Variants in ATAD3A observed in about 807,000 individuals in gnomAD.
ATAD3A encodes the protein ATPase family AAA domain-containing protein 3A.
ATAD3A carries 46 observed loss-of-function variants against 73.8 expected under a neutral mutation model. That is an observed-to-expected ratio of 0.62 (90% CI 0.49 to 0.80). The LOEUF (loss-of-function observed/expected upper bound fraction) is 0.80, where lower values mean the gene tolerates loss of function less well. Ranked by LOEUF, ATAD3A falls within the 30% of genes least tolerant of loss-of-function variation. The pLI is 0.00. For synonymous variants in ATAD3A, 319 were observed against 350.0 expected, an observed-to-expected ratio of 0.91 and a Z score of 0.99; for missense variants, 705 against 838.0, an observed-to-expected ratio of 0.84 and a Z score of 1.96.
rs1163102364 is a variant in ATAD3A at position 1,523,567 on chromosome 1, T to G, written c.963T>G (p.Ser321Arg). The change falls in exon 9 of 16, where the codon AGT (serine) becomes AGG (arginine). Residue 321 changes from serine (S) to arginine (R), a missense_variant and splice_region_variant. By Grantham distance (110) the Ser-to-Arg change is moderately radical (BLOSUM62 -1). Coordinates refer to ENST00000378756, the MANE Select transcript of ATAD3A (RefSeq NM_001170535.3). The surrounding 1 kb of genome is among the most constrained non-coding windows in gnomAD (Gnocchi z 5.1). ...ACGCGCTGGAGGGTGTTGTGCTCAG[T>G]GTAAGTCGGTGTGCCTGGGACCGGG... The part of the protein sequence containing the change: ...PQDALEGVVL[S>R]PSLEARVRDI... 4 of 1,612,624 alleles carry G rather than the reference T, an allele frequency of 2.5e-6. No individual in the cohort carries two copies. Among genetic ancestry groups the G allele is most frequent in the Non-Finnish European group, 3.4e-6 (4 of 1,179,696 alleles).
At chr1:1,521,774 A>T (rs1280610272) in intron 7 of ATAD3A, among the ~76,000 whole-genome samples, 1 of 152,208 alleles carries the variant, frequency 6.6e-6, no homozygotes, top group African/African-American at 2.4e-5. Flanking sequence ...ATCTCGGCTC[A>T]CTGCAACCTC....
At chr1:1,516,364 T>C (rs890675793) in intron 2 of ATAD3A, among the ~76,000 whole-genome samples, 3 of 145,246 alleles carry the variant, frequency 2.1e-5, no homozygotes, top group East Asian at 1.9e-4. Flanking sequence ...GTCGTCCGGA[T>C]GGCCTGGATC....
At chr1:1,527,377 C>T in intron 13 of ATAD3A, 1 of 1,082,258 alleles carries the variant, frequency 9.2e-7, no homozygotes. Context: ...GACTTCTCGA[C>T]ATGGACTCCG....
At chr1:1,530,881 G>A (rs1570358666) in intron 15 of ATAD3A, among the ~76,000 whole-genome samples, 1 of 151,308 alleles carries the variant, frequency 6.6e-6, no homozygotes, top group Non-Finnish European at 1.5e-5. Flanking sequence ...AACGAGTGCG[G>A]TGGCTCACTC....
At chr1:1,516,321 C>T (rs938541365) in intron 2 of ATAD3A, among the ~76,000 whole-genome samples, 11 of 151,730 alleles carry the variant, frequency 7.2e-5, no homozygotes, top group South Asian at 4.2e-4. Flanking sequence ...TCTGGTCGTC[C>T]GGAGGGAGGG....
At chr1:1,532,693 C>A (rs1287991626) in intron 15 of ATAD3A, among the ~76,000 whole-genome samples, 4 of 152,196 alleles carry the variant, frequency 2.6e-5, no homozygotes, top group Non-Finnish European at 4.4e-5. Flanking sequence ...TGGGGTGCAG[C>A]CACTCGGGTG....
intron 12 of ATAD3A, among the ~76,000 whole-genome samples, chr1:1,526,014 T>G (rs1483167807): frequency 6.6e-6 from 1 of 151,740 alleles, no homozygotes; most frequent in Non-Finnish European, 1.5e-5. Flanking sequence ...GGTCAGGCTT[T>G]CTTTTCTTTT....
At chr1:1,531,927 A>G (rs1642047929) in intron 15 of ATAD3A, among the ~76,000 whole-genome samples, 1 of 150,934 alleles carries the variant, frequency 6.6e-6, no homozygotes, top group African/African-American at 2.4e-5. Context: ...CTGGGATTAC[A>G]GGTGTGAGCC....
rs183361582 is a variant in ATAD3A at position 1,515,853 on chromosome 1, C to T, written c.206-159C>T. Among the ~76,000 whole-genome samples, 200 of 152,310 alleles carry T rather than the reference C, an allele frequency of 1.3e-3. 2 individuals carry two copies. Among genetic ancestry groups the T allele is most frequent in the African/African-American group, 4.5e-3 (186 of 41,564 alleles). On this transcript the variant is annotated intron_variant, in intron 1 of 15. Coordinates refer to ENST00000378756, the MANE Select transcript of ATAD3A (RefSeq NM_001170535.3). Reference sequence around the variant, plus strand: ...GTGTGCTGGGGATGGTGCATCGTCACGCCAGGTCTGACTAGGAAGGAGGAT... The same window carrying T: ...GTGTGCTGGGGATGGTGCATCGTCATGCCAGGTCTGACTAGGAAGGAGGAT...
At chr1:1,518,747 C>T (rs1641477586) in intron 4 of ATAD3A, among the ~76,000 whole-genome samples, 174 bp from the exon 5 acceptor site, 1 of 150,588 alleles carries the variant, frequency 6.6e-6, no homozygotes, top group African/African-American at 2.4e-5. Context: ...CACACATGGG[C>T]ACAGTCACCC....
At chr1:1,518,741 CATG>C (rs1641477452) in intron 4 of ATAD3A, among the ~76,000 whole-genome samples, 177 bp from the exon 5 acceptor site, 1 of 150,442 alleles carries the variant, frequency 6.6e-6, no homozygotes, top group Non-Finnish European at 1.5e-5. Flanking sequence ...CCCCCACACA[CATG>C]GGCACAGTCA....
intron 7 of ATAD3A, among the ~76,000 whole-genome samples, chr1:1,521,190 T>G (rs959803873): frequency 6.8e-6 from 1 of 147,024 alleles, no homozygotes; most frequent in African/African-American, 2.5e-5. Context: ...TCCCAGCTAC[T>G]CAAGAGGCTG....
intron 1 of ATAD3A, among the ~76,000 whole-genome samples, chr1:1,514,117 T>G (rs1407196137): frequency 6.6e-6 from 1 of 152,072 alleles, no homozygotes; most frequent in Non-Finnish European, 1.5e-5. Context: ...CACACCAAAG[T>G]GGTGAATGAT....
rs374081422 is a variant in ATAD3A, at chr1:1,526,490, A to G, written c.1296A>G (p.Thr432=). 9.3e-6 allele frequency: 15 copies of G among 1,612,664 alleles called. No individual in the cohort carries two copies. In the African/African-American group the frequency reaches 1.6e-4, roughly 17 times the overall value. Residue 432 remains threonine (T), a synonymous_variant, in exon 13 of 16, where the codon ACA becomes ACG. Transcript: ENST00000378756. ...AGATAAGCGAGGACCTCAGGGCCAC[A>G]CTGAACGCCTTCCTGTACCGCACGG... ...TEKISEDLRA[T]LNAFLYRTGQ...
Position 1,534,539 on chromosome 1 carries a change from C to T in ATAD3A, c.*467C>T, listed in dbSNP as rs1321590765. 6.8e-6 allele frequency: 3 copies of T among 442,992 alleles called. No homozygotes were observed. Among genetic ancestry groups the T allele is most frequent in the African/African-American group, 4.1e-5 (2 of 48,880 alleles). The allele number at this position is 442,992 out of a possible 1,614,324, so 27.4% of individuals were successfully genotyped here. On this transcript the variant is annotated 3_prime_UTR_variant, in exon 16 of 16. Coordinates refer to ENST00000378756, the MANE Select transcript of ATAD3A (RefSeq NM_001170535.3). The stretch of plus-strand genomic sequence containing the variant: ...CTGCTTCCCCCTGTGGCCGGCATGC[C>T]CCGATCTTTCACACACTGGTGACCC...
intron 8 of ATAD3A, 61 bp downstream of exon 8, chr1:1,522,960 C>T (rs922713751): frequency 2.2e-5 from 35 of 1,581,012 alleles, no homozygotes; most frequent in African/African-American, 5.5e-5. Flanking sequence ...TTCTGCCCCA[C>T]GAGCACAGCC....
In ATAD3A at chr1:1,512,251, G is replaced by C. The variant is rs1170388313; in HGVS notation, c.-18G>C. ...GGGTGGGGGTCCCGGCGGCGGTAGC[G>C]GCGGCGGCGGTGCGAGCATGTCGTG... On this transcript the variant is annotated 5_prime_UTR_variant, in exon 1 of 16. Coordinates refer to ENST00000378756, the MANE Select transcript of ATAD3A (RefSeq NM_001170535.3). 7.9e-7 allele frequency: 1 copy of C among 1,268,422 alleles called. No individual in the cohort carries two copies. Among genetic ancestry groups the C allele is most frequent in the East Asian group, 3.0e-5 (1 of 32,998 alleles). 78.6% of individuals were successfully genotyped at this position (1,268,422 alleles called of 1,614,324 possible).
chr1:1,534,077 A>G lies in ATAD3A; in HGVS notation c.*5A>G. On this transcript the variant is annotated 3_prime_UTR_variant, in exon 16 of 16. Coordinates refer to ENST00000378756, the MANE Select transcript of ATAD3A (RefSeq NM_001170535.3). ...GACGAGCCCTCCCCATCCTGAGTCC[A>G]CAGGGAGATCCACAGCTCACGGAGC... is the stretch of plus-strand genomic sequence containing the variant. The G allele has an allele frequency of 6.2e-7, 1 of 1,613,384 alleles. No individual in the cohort carries two copies. The highest frequency in any genetic ancestry group is 8.5e-7 in the Non-Finnish European group (1 of 1,179,828).
chr1:1,528,105 G>A (rs1422754555), intron 14 of ATAD3A, among the ~76,000 whole-genome samples: 7 of 151,992 alleles, frequency 4.6e-5, no homozygotes, highest in Middle Eastern at 3.4e-3. Context: ...GATTACAGGC[G>A]CCCACCACCA....
Sources: gnomAD v4.1 joint callset for allele counts (sites outside exome capture counted in the v4.1 genomes callset) on GRCh38, gnomAD v4.1.1 for gene constraint, Gnocchi (gnomAD v3.1) non-coding constraint, MANE v1.5 for transcripts, NCBI Gene and HGNC (gene_info 2026-07-23, HGNC 2026-07-21) for gene names.